RNF150: variants seen among roughly 807,000 people sequenced by gnomAD.
The protein encoded by RNF150 is ring finger protein 150.
In RNF150, 24 loss-of-function variants were observed where a neutral mutation model predicts 39.3. That is an observed-to-expected ratio of 0.61 (90% CI 0.44 to 0.86). The LOEUF is 0.86. Ranked by LOEUF, RNF150 falls within the 40% of genes least tolerant of loss-of-function variation. The pLI, the probability that RNF150 is intolerant of heterozygous loss-of-function variation, is 0.00. For missense variants in RNF150, 502 were observed against 587.8 expected, an observed-to-expected ratio of 0.85 and a Z score of 1.51; for synonymous variants, 255 against 227.3, an observed-to-expected ratio of 1.12 and a Z score of -1.10.
chr4:141,189,520 T>C (rs1310179536), intron 1 of RNF150, among the ~76,000 whole-genome samples: 3 of 152,144 alleles, frequency 2.0e-5, no homozygotes, highest in Admixed American at 2.0e-4. Flanking sequence ...CCCCAGGAGC[T>C]CTGTCCCAGG....
intron 1 of RNF150, among the ~76,000 whole-genome samples, chr4:141,181,586 C>T (rs1327441453): frequency 6.6e-6 from 1 of 152,168 alleles, no homozygotes; most frequent in East Asian, 1.9e-4. Context: ...ATAGACATTC[C>T]TACTGACTTA....
At chr4:140,990,472 T>G (rs1734156131) in intron 1 of RNF150, among the ~76,000 whole-genome samples, 1 of 152,126 alleles carries the variant, frequency 6.6e-6, no homozygotes, top group African/African-American at 2.4e-5. Flanking sequence ...ATTAACTGTT[T>G]TTCCTAATGC....
At chr4:140,880,347 A>C (rs1029379304) in intron 6 of RNF150, among the ~76,000 whole-genome samples, 1 of 152,152 alleles carries the variant, frequency 6.6e-6, no homozygotes, top group African/African-American at 2.4e-5. Context: ...CCAGGGATAA[A>C]TCCCACTTGG....
At chr4:141,045,015 CA>C (rs557035971) in intron 1 of RNF150, among the ~76,000 whole-genome samples, 166 of 152,304 alleles carry the variant, frequency 1.1e-3, no homozygotes, top group African/African-American at 3.8e-3. Flanking sequence ...TTAACTTTTA[CA>C]ACAACCATAT....
intron 1 of RNF150, among the ~76,000 whole-genome samples, chr4:141,139,446 A>G (rs938315202): frequency 3.9e-5 from 6 of 152,208 alleles, no homozygotes; most frequent in African/African-American, 1.4e-4. Context: ...AAATGAAAAC[A>G]TTTAGGGATG....
intron 1 of RNF150, among the ~76,000 whole-genome samples, chr4:140,969,756 CTTTTTTTT>C (rs70946718): frequency 7.9e-5 from 6 of 75,962 alleles, no homozygotes; most frequent in South Asian, 6.4e-4. Context: ...ACAAGTTTTA[CTTTTTTTT>C]TTTTTTTTTT....
chr4:141,079,300 T>C (rs546984595), intron 1 of RNF150, among the ~76,000 whole-genome samples: 1 of 152,320 alleles, frequency 6.6e-6, no homozygotes, highest in South Asian at 2.1e-4. Flanking sequence ...AAATTAAACA[T>C]TGCTTCATTC....
intron 6 of RNF150, among the ~76,000 whole-genome samples, chr4:140,902,700 G>A (rs1730230020): frequency 6.6e-6 from 1 of 152,178 alleles, no homozygotes; most frequent in South Asian, 2.1e-4. Context: ...AGAACCAGGT[G>A]AATACTGCAT....
chr4:141,051,556 T>A (rs1736777755), intron 1 of RNF150, among the ~76,000 whole-genome samples: 1 of 152,178 alleles, frequency 6.6e-6, no homozygotes, highest in Non-Finnish European at 1.5e-5. Context: ...AGTTCAAAGT[T>A]CCACAAGTCT....
At chr4:141,114,892 C>A (rs1285050047) in intron 1 of RNF150, among the ~76,000 whole-genome samples, 1 of 152,100 alleles carries the variant, frequency 6.6e-6, no homozygotes, top group Non-Finnish European at 1.5e-5. Flanking sequence ...ATGACAAAAC[C>A]ACATAATTAT....
At chr4:140,905,593 G>C (rs1229691783) in intron 6 of RNF150, among the ~76,000 whole-genome samples, 1 of 152,214 alleles carries the variant, frequency 6.6e-6, no homozygotes, top group Non-Finnish European at 1.5e-5. Flanking sequence ...TCAATGAACA[G>C]AGCGATGTCA....
chr4:141,042,415 G>A (rs1268090765), intron 1 of RNF150, among the ~76,000 whole-genome samples: 1 of 152,016 alleles, frequency 6.6e-6, no homozygotes, highest in African/African-American at 2.4e-5. Flanking sequence ...AAAGTTCTCT[G>A]AGGCATTTCA....
At position 140,911,213 on chromosome 4, in the gene RNF150, C is replaced by A. The variant is rs775660686; in HGVS notation, c.1129G>T (p.Gly377Ter). 6.2e-7 allele frequency: 1 copy of A among 1,614,134 alleles called. No homozygotes were observed. The highest frequency in any genetic ancestry group is 8.5e-7 in the Non-Finnish European group (1 of 1,180,014). Reference protein sequence around the residue: ...VTLDPAVRTVGALQVVQDTDP... With the variant: ...VTLDPAVRTV Reference sequence around the variant, plus strand: ...GTATCCTGGACCACCTGCAAGGCTCCCACAGTCCGGACAGCAGGGTCCAAA... The same window carrying A: ...GTATCCTGGACCACCTGCAAGGCTCACACAGTCCGGACAGCAGGGTCCAAA... Residue 377 changes from glycine (G) to a stop codon, truncating the protein, a stop_gained, in exon 6 of 7, where the codon GGA (glycine) becomes TGA (stop). Transcript: ENST00000515673. LOFTEE classifies it high-confidence loss of function.
chr4:141,149,430 C>T (rs1477053049), intron 1 of RNF150, among the ~76,000 whole-genome samples: 5 of 152,188 alleles, frequency 3.3e-5, no homozygotes. Context: ...ATATATCATT[C>T]TTATGCCTTT....
At position 141,209,842 on chromosome 4, in the gene RNF150, A is replaced by G. The variant is rs952627213; in HGVS notation, c.-6+2952T>C. The stretch of plus-strand genomic sequence containing the variant: ...GCAATATAGCAAGACCCCATCCCTA[A>G]AAGACAAAAAAGAACCCTATAATTT... On this transcript the variant is annotated intron_variant, in intron 1 of 7. Transcript: ENST00000420921. Among the ~76,000 whole-genome samples, 13 of 152,230 alleles carry G rather than the reference A, an allele frequency of 8.5e-5. No homozygotes were observed. In the East Asian group the frequency reaches 2.1e-3, roughly 25 times the overall value.
At chr4:141,091,689 C>A (rs539922373) in intron 1 of RNF150, among the ~76,000 whole-genome samples, 108 of 152,090 alleles carry the variant, frequency 7.1e-4, no homozygotes, top group Non-Finnish European at 1.3e-3. Flanking sequence ...ACTAGATGAC[C>A]TAAGGTCCTT....
chr4:140,978,294 T>G (rs898378313), intron 1 of RNF150, among the ~76,000 whole-genome samples: 2 of 152,264 alleles, frequency 1.3e-5, no homozygotes, highest in South Asian at 2.1e-4. Flanking sequence ...TCACAACAGA[T>G]CCTCTCAGTG....
chr4:141,175,948 G>A (rs1269144261), intron 1 of RNF150, among the ~76,000 whole-genome samples: 2 of 151,962 alleles, frequency 1.3e-5, no homozygotes, highest in African/African-American at 4.8e-5. Flanking sequence ...GCAGAGGTGC[G>A]ATCACAGCTC....
chr4:140,886,402 C>T (rs1349610421), intron 6 of RNF150, among the ~76,000 whole-genome samples: 5 of 151,988 alleles, frequency 3.3e-5, no homozygotes, highest in Non-Finnish European at 7.4e-5. Flanking sequence ...ACTAGGCATC[C>T]CACAATGCTC....
Sources: gnomAD v4.1 joint callset for allele counts (sites outside exome capture counted in the v4.1 genomes callset) on GRCh38, gnomAD v4.1.1 for gene constraint, MANE v1.5 for transcripts, NCBI Gene and HGNC (gene_info 2026-07-23, HGNC 2026-07-21) for gene names.